Variants in CADM2 observed in about 807,000 individuals in gnomAD.
CADM2 encodes immunoglobulin superfamily member 4D.
Under a neutral mutation model 49.8 loss-of-function variants are expected in CADM2, and 12 were observed. The observed-to-expected ratio is 0.24, with a 90% CI of 0.15 to 0.39. CADM2 has a LOEUF of 0.39. CADM2 is among the 10% of genes least tolerant of loss of function. CADM2 has a pLI of 1.00. For missense variants in CADM2, 378 were observed against 492.3 expected, an observed-to-expected ratio of 0.77 and a Z score of 2.20; for synonymous variants, 214 against 175.4, an observed-to-expected ratio of 1.22 and a Z score of -1.74.
At chr3:85,455,042 GCTGTGGTCAGC>G (rs1413812371) in intron 1 of CADM2, among the ~76,000 whole-genome samples, 1 of 152,192 alleles carries the variant, frequency 6.6e-6, no homozygotes. Flanking sequence ...AATTAGCTAT[GCTGTGGTCAGC>G]CCATATCCTA....
chr3:85,006,401 C>G (rs991796415), intron 1 of CADM2, among the ~76,000 whole-genome samples: 1 of 151,990 alleles, frequency 6.6e-6, no homozygotes, highest in Non-Finnish European at 1.5e-5. Flanking sequence ...AGTTCCTCTT[C>G]TCCTAGCAGC....
chr3:85,136,261 A>G (rs1438437758), intron 1 of CADM2, among the ~76,000 whole-genome samples: 1 of 151,902 alleles, frequency 6.6e-6, no homozygotes, highest in Non-Finnish European at 1.5e-5. Flanking sequence ...TAAGAAGCTG[A>G]TAGTGGAATT....
chr3:85,248,075 T>C (rs958598765), intron 1 of CADM2, among the ~76,000 whole-genome samples: 3 of 152,154 alleles, frequency 2.0e-5, no homozygotes, highest in African/African-American at 7.2e-5. Flanking sequence ...CTATGACTTG[T>C]TTATGAACTA....
At chr3:85,128,217 C>T (rs2039102862) in intron 1 of CADM2, among the ~76,000 whole-genome samples, 1 of 152,162 alleles carries the variant, frequency 6.6e-6, no homozygotes, top group African/African-American at 2.4e-5. Flanking sequence ...TCTTTGGCAT[C>T]AAGTAAGACG....
chr3:85,395,516 T>C (rs2107414701), intron 1 of CADM2, among the ~76,000 whole-genome samples: 1 of 152,250 alleles, frequency 6.6e-6, no homozygotes, highest in African/African-American at 2.4e-5. Flanking sequence ...AATGAAACGA[T>C]ACCAGCATTA....
intron 1 of CADM2, among the ~76,000 whole-genome samples, chr3:85,076,981 A>G (rs537217351): frequency 6.6e-6 from 1 of 152,280 alleles, no homozygotes; most frequent in South Asian, 2.1e-4. Flanking sequence ...CAAAATAGTA[A>G]TAACAATAAT....
intron 3 of CADM2, among the ~76,000 whole-genome samples, chr3:85,854,922 G>A (rs904088337): frequency 1.3e-5 from 2 of 152,078 alleles, no homozygotes; most frequent in Non-Finnish European, 2.9e-5. Context: ...CATTGGCCCA[G>A]AATATTCTAC....
intron 1 of CADM2, among the ~76,000 whole-genome samples, chr3:85,120,529 GACAT>G (rs1253645880): frequency 6.6e-6 from 1 of 152,064 alleles, no homozygotes; most frequent in African/African-American, 2.4e-5. Flanking sequence ...TTTTTGCAGG[GACAT>G]GGATGAAGCT....
intron 1 of CADM2, among the ~76,000 whole-genome samples, chr3:85,071,199 T>A (rs546881578): frequency 1.3e-5 from 2 of 151,188 alleles, no homozygotes; most frequent in South Asian, 4.2e-4. Context: ...AGTATATAGG[T>A]AAGATGGGAG....
Position 85,201,700 on chromosome 3 carries a change from A to T in CADM2, c.61+242032A>T, listed in dbSNP as rs140554199. Among the ~76,000 whole-genome samples, 37 of 152,270 alleles carry T rather than the reference A, an allele frequency of 2.4e-4. No homozygotes were observed. In the East Asian group the frequency reaches 6.8e-3, roughly 28 times the overall value. ...AGCTAAGTTTACAAAATATTCTAAAATTTTGTTGTCATTTCAACAAGGTTC... is the reference window on the plus strand; with the variant it reads ...AGCTAAGTTTACAAAATATTCTAAATTTTTGTTGTCATTTCAACAAGGTTC... On this transcript the variant is annotated intron_variant, in intron 1 of 9. Coordinates refer to ENST00000383699, the MANE Select transcript of CADM2 (RefSeq NM_001167675.2).
At chr3:85,835,878 G>T (rs1324230519) in intron 3 of CADM2, among the ~76,000 whole-genome samples, 1 of 150,344 alleles carries the variant, frequency 6.7e-6, no homozygotes, top group African/African-American at 2.4e-5. Context: ...TCATTAATTA[G>T]GTCTTTTCAT....
intron 2 of CADM2, among the ~76,000 whole-genome samples, chr3:85,799,290 A>C (rs1046809603): frequency 1.3e-5 from 2 of 152,154 alleles, no homozygotes; most frequent in Non-Finnish European, 2.9e-5. Context: ...TGTTCTGGCT[A>C]GAATTTCCAA....
At chr3:85,600,642 C>A (rs1331386281) in intron 1 of CADM2, among the ~76,000 whole-genome samples, 1 of 150,898 alleles carries the variant, frequency 6.6e-6, no homozygotes, top group Admixed American at 6.6e-5. Context: ...TCACAGTATG[C>A]TTTTAAGTTG....
At chr3:85,096,245 G>T (rs780536465) in intron 1 of CADM2, among the ~76,000 whole-genome samples, 3 of 151,944 alleles carry the variant, frequency 2.0e-5, no homozygotes, top group Non-Finnish European at 1.5e-5. Flanking sequence ...GTTAAATTTT[G>T]TTTTGTTTTT....
rs535996943 is a variant in CADM2 at position 84,969,038 on chromosome 3, T to C, written c.61+9370T>C. On this transcript the variant is annotated intron_variant, in intron 1 of 9. Transcript: ENST00000383699. ...AAAGAGACTTCAATTGTGGAGAGAT[T>C]GCTATAAGAATTGGCTTGTTTTGTA... 1.0e-3 allele frequency among the ~76,000 whole-genome samples: 157 copies of C among 152,128 alleles called. 1 individual carries two copies. Among genetic ancestry groups the C allele is most frequent in the African/African-American group, 3.5e-3 (146 of 41,568 alleles).
At chr3:86,013,329 G>A in intron 8 of CADM2, 1 of 1,545,072 alleles carries the variant, frequency 6.5e-7, no homozygotes, top group Non-Finnish European at 8.9e-7. Context: ...GGAAAACAAA[G>A]AATACCTAAA....
At position 85,802,214 on chromosome 3, in the gene CADM2, C is replaced by A. The variant is rs966781052; in HGVS notation, c.238+18C>A. ...CAAGAAAGGTGAATACATTTTCTTTCAAATGTTTTAATCGTATTCTAAAAT... is the reference window on the plus strand; with the variant it reads ...CAAGAAAGGTGAATACATTTTCTTTAAAATGTTTTAATCGTATTCTAAAAT... On this transcript the variant is annotated intron_variant, in intron 3 of 9. Transcript: ENST00000383699. 1 of 1,594,524 alleles carries A rather than the reference C, an allele frequency of 6.3e-7. No homozygotes were observed. The highest frequency in any genetic ancestry group is 8.6e-7 in the Non-Finnish European group (1 of 1,169,350).
At chr3:85,284,630 A>C (rs2043583114) in intron 1 of CADM2, among the ~76,000 whole-genome samples, 1 of 152,134 alleles carries the variant, frequency 6.6e-6, no homozygotes. Context: ...TAGCAAGTGA[A>C]AATAACTTGA....
chr3:85,498,200 G>A (rs1329054127), intron 1 of CADM2, among the ~76,000 whole-genome samples: 1 of 148,688 alleles, frequency 6.7e-6, no homozygotes, highest in Non-Finnish European at 1.5e-5. Flanking sequence ...TATTTTCTGG[G>A]CTTTTTTGTA....
Sources: allele counts gnomAD v4.1 joint callset (sites outside exome capture counted in the v4.1 genomes callset), GRCh38; gene constraint gnomAD v4.1.1; transcripts MANE v1.5; gene names NCBI Gene and HGNC (gene_info 2026-07-23, HGNC 2026-07-21).